SYCP2L: variants seen among roughly 807,000 people sequenced by gnomAD.
The protein encoded by SYCP2L is synaptonemal complex protein 2 like, also known as synaptonemal complex protein 2-like.
Under a neutral mutation model 125.8 loss-of-function variants are expected in SYCP2L, and 98 were observed. The observed-to-expected ratio is 0.78, with a 90% CI of 0.66 to 0.92. The LOEUF (loss-of-function observed/expected upper bound fraction) is 0.92. Ranked by LOEUF, SYCP2L falls within the 40% of genes least tolerant of loss-of-function variation. SYCP2L has a pLI of 0.00. For synonymous variants in SYCP2L, 317 were observed against 325.4 expected, an observed-to-expected ratio of 0.97 and a Z score of 0.28; for missense variants, 842 against 936.4, an observed-to-expected ratio of 0.90 and a Z score of 1.32.
At chr6:10,898,695 C>T (rs1780326199) in intron 5 of SYCP2L, 129 bp from the exon 6 acceptor site, 4 of 693,368 alleles carry the variant, frequency 5.8e-6, no homozygotes, top group Non-Finnish European at 1.0e-5. Context: ...TAGGCTTTCT[C>T]TAAAATGCTT....
rs921568057 is a variant in SYCP2L, at chr6:10,974,039, A to G, written c.*125A>G. ...AGACTTCGTGCTCTGTACGCATTCA[A>G]TTTCCTCCCCTCCAAACATCATCCC... is the stretch of plus-strand genomic sequence containing the variant. On this transcript the variant is annotated 3_prime_UTR_variant, in exon 30 of 30. Coordinates refer to ENST00000283141, the MANE Select transcript of SYCP2L (RefSeq NM_001040274.3). 4 of 152,298 alleles carry G rather than the reference A, an allele frequency of 2.6e-5. No homozygotes were observed. Among genetic ancestry groups the G allele is most frequent in the South Asian group, 2.1e-4 (1 of 4,826 alleles). The allele number at this position is 152,298 out of a possible 1,614,324, so 9.4% of individuals were successfully genotyped here.
chr6:10,960,700 G>C (rs542571006), intron 26 of SYCP2L, among the ~76,000 whole-genome samples: 2 of 152,118 alleles, frequency 1.3e-5, no homozygotes, highest in African/African-American at 4.8e-5. Context: ...GGGATGGGGA[G>C]CCTCAGTCTC....
chr6:10,906,919 T>A (rs2113310700), intron 9 of SYCP2L, among the ~76,000 whole-genome samples: 1 of 151,812 alleles, frequency 6.6e-6, no homozygotes, highest in South Asian at 2.1e-4. Context: ...TTTTTAAGGC[T>A]GTTTGATGAT....
intron 21 of SYCP2L, 64 bp downstream of exon 21, chr6:10,935,251 AAAC>A: frequency 2.6e-6 from 4 of 1,518,666 alleles, no homozygotes; most frequent in Non-Finnish European, 3.6e-6. Flanking sequence ...AGTTTGAAGT[AAAC>A]AAAACATTTT....
At position 10,926,373 on chromosome 6, in the gene SYCP2L, T is replaced by A; in HGVS notation, c.1253T>A (p.Leu418His). Residue 418 changes from leucine to histidine, a missense_variant, in exon 16 of 30, where the codon CTT becomes CAT. Transcript: ENST00000283141. ...LPDQTKISSE[L>H]FSKSDKEDRE... The stretch of plus-strand genomic sequence containing the variant: ...GACCAGACGAAAATCTCCTCAGAAC[T>A]TTTTAGTAAGTCTGATAAAGAAGAC... The A allele has an allele frequency of 6.2e-7, 1 of 1,613,792 alleles. No homozygotes were observed. The highest frequency in any genetic ancestry group is 2.2e-5 in the East Asian group (1 of 44,882).
intron 5 of SYCP2L, 57 bp from the exon 6 acceptor site, chr6:10,898,767 G>A (rs567842180): frequency 6.2e-5 from 70 of 1,123,672 alleles, no homozygotes; most frequent in Middle Eastern, 2.0e-4. Context: ...TTCACATTAC[G>A]GTTTATCATG....
intron 29 of SYCP2L, among the ~76,000 whole-genome samples, chr6:10,971,457 CAA>C (rs564161444): frequency 6.2e-4 from 62 of 99,330 alleles, no homozygotes; most frequent in East Asian, 1.6e-3. Flanking sequence ...GACTCTGTCT[CAA>C]AAAAAAAAAA....
chr6:10,889,616 C>CTTTTTTT (rs34273350), intron 1 of SYCP2L, among the ~76,000 whole-genome samples: 1 of 101,408 alleles, frequency 9.9e-6, no homozygotes, highest in Non-Finnish European at 1.9e-5. Flanking sequence ...TGAGATCAGC[C>CTTTTTTT]TTTTTTTTTT....
rs146156816 is a variant in SYCP2L, at chr6:10,910,432, C to T, written c.872+232C>T. ...TCTATCAGTTTTATTATATTTGTGA[C>T]TTGGGGTATTTTAAAATAATACATT... is the stretch of plus-strand genomic sequence containing the variant. On this transcript the variant is annotated intron_variant, in intron 11 of 29. Transcript: ENST00000283141. Among the ~76,000 whole-genome samples, 381 of 152,202 alleles carry T rather than the reference C, an allele frequency of 2.5e-3. 1 individual carries two copies. The highest frequency in any genetic ancestry group is 8.9e-3 in the African/African-American group (369 of 41,534).
chr6:10,938,883 C>T (rs939200337), intron 21 of SYCP2L, among the ~76,000 whole-genome samples: 2 of 152,020 alleles, frequency 1.3e-5, no homozygotes, highest in African/African-American at 2.4e-5. Flanking sequence ...CACTTTGGGA[C>T]GCCAAGGCCG....
intron 14 of SYCP2L, among the ~76,000 whole-genome samples, chr6:10,916,114 G>C (rs1780689000): frequency 6.6e-6 from 1 of 152,268 alleles, no homozygotes; most frequent in South Asian, 2.1e-4. Context: ...GTGTAATGGT[G>C]TTCATAGAAG....
intron 14 of SYCP2L, among the ~76,000 whole-genome samples, chr6:10,918,758 T>A (rs1006222787): frequency 6.6e-6 from 1 of 152,098 alleles, no homozygotes; most frequent in South Asian, 2.1e-4. Flanking sequence ...ATGGTCTCAA[T>A]CTCCTGACCT....
At position 10,907,523 on chromosome 6, in the gene SYCP2L, CTA is replaced by C. The variant is rs1280193274; in HGVS notation, c.677-17_677-16del. The C allele has an allele frequency of 4.4e-6, 7 of 1,602,258 alleles. No individual in the cohort carries two copies. The highest frequency in any genetic ancestry group is 5.1e-6 in the Non-Finnish European group (6 of 1,175,876). Reference sequence around the variant, plus strand: ...TTGTGCCCAGAATTATCTATGTCTACTATGTTTTTAATCTCTAGATTATGACC... The same window carrying C: ...TTGTGCCCAGAATTATCTATGTCTACTGTTTTTAATCTCTAGATTATGACC... On this transcript the variant is annotated splice_polypyrimidine_tract_variant and intron_variant, in intron 9 of 29. Transcript: ENST00000283141.
At chr6:10,896,552 G>C (rs902383727) in intron 4 of SYCP2L, among the ~76,000 whole-genome samples, 3 of 152,198 alleles carry the variant, frequency 2.0e-5, no homozygotes, top group South Asian at 2.1e-4. Flanking sequence ...AGCCTTAGCA[G>C]TGAGTTCTGC....
intron 25 of SYCP2L, among the ~76,000 whole-genome samples, chr6:10,957,354 T>A (rs1305626644): frequency 6.6e-6 from 1 of 152,204 alleles, no homozygotes; most frequent in Non-Finnish European, 1.5e-5. Flanking sequence ...AGACAGCTAT[T>A]CCATGTCCAT....
At chr6:10,958,377 C>G (rs895698593) in intron 25 of SYCP2L, among the ~76,000 whole-genome samples, 3 of 151,930 alleles carry the variant, frequency 2.0e-5, no homozygotes, top group South Asian at 4.1e-4. Context: ...GAGCAAGGGG[C>G]GGGGAGGTGC....
intron 4 of SYCP2L, among the ~76,000 whole-genome samples, chr6:10,896,088 G>A (rs1650120608): frequency 6.6e-6 from 1 of 152,166 alleles, no homozygotes; most frequent in Admixed American, 6.5e-5. Flanking sequence ...GGAGGTTGTG[G>A]TGAGCCAAGA....
At chr6:10,908,359 A>G (rs1780542450) in intron 10 of SYCP2L, among the ~76,000 whole-genome samples, 1 of 152,182 alleles carries the variant, frequency 6.6e-6, no homozygotes, top group Non-Finnish European at 1.5e-5. Context: ...AGGAGGCTGA[A>G]ATGGACATGG....
Position 10,931,476 on chromosome 6 carries a change from A to T in SYCP2L, c.1670A>T (p.His557Leu). The change falls in exon 20 of 30, where the codon CAT becomes CTT. Residue 557 changes from histidine to leucine, a missense_variant. Physicochemically the swap from His to Leu is moderately conservative, Grantham distance 99 (BLOSUM62 -3). Transcript: ENST00000283141. ...PVFPPSSGSG[H>L]EKDQAKLLSP... The stretch of plus-strand genomic sequence containing the variant: ...TTCCCTCCCAGTAGTGGCAGTGGCC[A>T]TGAGAAAGACCAAGTAAGTACATTG... 1 of 1,614,182 alleles carries T rather than the reference A, an allele frequency of 6.2e-7. No homozygotes were observed. Among genetic ancestry groups the T allele is most frequent in the Non-Finnish European group, 8.5e-7 (1 of 1,179,998 alleles).
Sources: gnomAD v4.1 joint callset for allele counts (sites outside exome capture counted in the v4.1 genomes callset) on GRCh38, gnomAD v4.1.1 for gene constraint, MANE v1.5 for transcripts, NCBI Gene and HGNC (gene_info 2026-07-23, HGNC 2026-07-21) for gene names.